Variants in IL4I1 observed in about 807,000 individuals in gnomAD.
IL4I1 encodes the protein interleukin 4 induced 1.
A neutral mutation model predicts 29.7 loss-of-function variants in IL4I1; 24 were observed. That is an observed-to-expected ratio of 0.81 (90% CI 0.59 to 1.14). The LOEUF is 1.14. Among genes scored for constraint, IL4I1 ranks in the 50% most tolerant of loss-of-function variants. The pLI, the probability that IL4I1 is intolerant of heterozygous loss-of-function variation, is 0.00. For missense variants in IL4I1, 686 were observed against 785.6 expected (o/e 0.87, Z 1.52); for synonymous variants, 371 against 352.5 (o/e 1.05, Z -0.59).
At chr19:49,895,781 G>T (rs749383282) in intron 3 of IL4I1, 34 bp downstream of exon 3, 1 of 1,604,714 alleles carries the variant, frequency 6.2e-7, no homozygotes, top group Non-Finnish European at 8.5e-7. Context: ...GCAGCAGGAG[G>T]GACTCCAGGT....
At chr19:49,916,267 A>G (rs1002671001) in intron 2 of IL4I1, among the ~76,000 whole-genome samples, 1 of 152,118 alleles carries the variant, frequency 6.6e-6, no homozygotes, top group Non-Finnish European at 1.5e-5. Flanking sequence ...CACATCTGTA[A>G]TCTCAGCACT....
chr19:49,908,592 G>A (rs760708459), intron 2 of IL4I1: 2 of 1,614,090 alleles, frequency 1.2e-6, no homozygotes, highest in East Asian at 2.2e-5. Context: ...GGGCTCAGCA[G>A]GTCTTCCAGC....
upstream of IL4I1, chr19:49,896,940 C>T (rs1235658655): frequency 1.0e-6 from 1 of 960,304 alleles, no homozygotes; most frequent in Non-Finnish European, 1.2e-6. Context: ...CCCGCCCACC[C>T]CTCCTTTTGG....
chr19:49,904,484 G>GAT (rs752347637), intron 2 of IL4I1, among the ~76,000 whole-genome samples: 17 of 152,176 alleles, frequency 1.1e-4, no homozygotes, highest in Non-Finnish European at 2.4e-4. Flanking sequence ...TGATTTAATG[G>GAT]AATCACTTGT....
chr19:49,896,714 A>G lies in IL4I1; in HGVS notation c.-23+121T>C, dbSNP rs2075216004. On this transcript the variant is annotated intron_variant, in intron 1 of 7. Coordinates refer to ENST00000391826, the MANE Select transcript of IL4I1 (RefSeq NM_152899.2). ...CTCCCAAAGTGCTGGGATTCCAGGC[A>G]TGAGCCCCCGCGCCCGGCCTCTTTT... is the stretch of plus-strand genomic sequence containing the variant. 9.0e-6 allele frequency: 5 copies of G among 554,692 alleles called. No individual in the cohort carries two copies. In the South Asian group the frequency reaches 3.9e-4, roughly 43 times the overall value. The allele number at this position is 554,692 out of a possible 1,614,324, so 34.4% of individuals were successfully genotyped here. A position where few individuals can be genotyped will look rare whatever the true frequency, so the allele number is the denominator to read the frequency against.
At chr19:49,909,859 C>A (rs749819907) in intron 2 of IL4I1, 3 of 1,580,968 alleles carry the variant, frequency 1.9e-6, no homozygotes, top group Non-Finnish European at 2.6e-6. Context: ...GCAAATCCGT[C>A]GGTGTCTGCA....
At chr19:49,899,631 A>C (rs1228707129), upstream of IL4I1, among the ~76,000 whole-genome samples, 1 of 149,596 alleles carries the variant, frequency 6.7e-6, no homozygotes. Context: ...ATCTTGGCTC[A>C]CTGCAAGCTC....
At position 49,895,209 on chromosome 19, in the gene IL4I1, C is replaced by G. The variant is rs748638682; in HGVS notation, c.253-29G>C. ...AGGGAGTCCGTGGGGCGAGGAGGGC[C>G]CTTCAGCTCCACCCACTGACCATCC... On this transcript the variant is annotated intron_variant, in intron 3 of 7. Coordinates refer to ENST00000391826, the MANE Select transcript of IL4I1 (RefSeq NM_152899.2). The G allele has an allele frequency of 3.8e-6, 6 of 1,575,602 alleles. No individual in the cohort carries two copies. In the East Asian group the frequency reaches 1.1e-4, roughly 29 times the overall value.
chr19:49,920,978 A>G (rs2075753220), intron 2 of IL4I1, among the ~76,000 whole-genome samples: 1 of 152,042 alleles, frequency 6.6e-6, no homozygotes, highest in African/African-American at 2.4e-5. Context: ...GTTGCTATGG[A>G]GGTTTCTCTG....
At chr19:49,913,320 C>A (rs1280951842) in intron 2 of IL4I1, among the ~76,000 whole-genome samples, 1 of 152,188 alleles carries the variant, frequency 6.6e-6, no homozygotes, top group Non-Finnish European at 1.5e-5. Context: ...TTGACCAGCT[C>A]CAGGAGAATC....
At chr19:49,916,181 T>C (rs934968377) in intron 2 of IL4I1, among the ~76,000 whole-genome samples, 1 of 152,138 alleles carries the variant, frequency 6.6e-6, no homozygotes, top group African/African-American at 2.4e-5. Context: ...GGCCAAGTCT[T>C]GACATTCTGC....
intron 2 of IL4I1, among the ~76,000 whole-genome samples, chr19:49,920,311 G>C (rs948181030): frequency 2.0e-5 from 3 of 152,144 alleles, no homozygotes; most frequent in African/African-American, 7.2e-5. Flanking sequence ...TGAATCTCTC[G>C]ACCTTGAGAT....
chr19:49,891,769 C>T (rs1407511613), intron 5 of IL4I1, among the ~76,000 whole-genome samples: 2 of 152,186 alleles, frequency 1.3e-5, no homozygotes, highest in African/African-American at 4.8e-5. Flanking sequence ...TATTTTTCAG[C>T]CAGCCAGCCA....
intron 3 of IL4I1, among the ~76,000 whole-genome samples, chr19:49,903,384 C>A (rs562479170): frequency 1.1e-4 from 16 of 152,216 alleles, no homozygotes; most frequent in African/African-American, 3.6e-4. Flanking sequence ...CAAGGGCGCC[C>A]ATGTGGGTCA....
Position 49,921,617 on chromosome 19 carries a change from G to A in IL4I1, c.-228+6077C>T, listed in dbSNP as rs2122729629. On this transcript the variant is annotated intron_variant, in intron 2 of 9. Transcript: ENST00000341114. The surrounding 1 kb of genome is among the most constrained non-coding windows in gnomAD (Gnocchi z 5.4). The stretch of plus-strand genomic sequence containing the variant: ...GGGCAAAGGAGTCTGCATCAAACTG[G>A]GCTAAGGCCTGGCGCTCTGATGGCC... 6.6e-6 allele frequency among the ~76,000 whole-genome samples: 1 copy of A among 152,302 alleles called. No individual in the cohort carries two copies. The highest frequency in any genetic ancestry group is 2.1e-4 in the South Asian group (1 of 4,826).
intron 2 of IL4I1, among the ~76,000 whole-genome samples, chr19:49,916,085 G>C (rs1164534951): frequency 6.6e-6 from 1 of 152,220 alleles, no homozygotes; most frequent in Non-Finnish European, 1.5e-5. Context: ...AGCACACCGA[G>C]CCCTTCCTGG....
At position 49,891,115 on chromosome 19, in the gene IL4I1, T is replaced by C. The variant is rs1261034760; in HGVS notation, c.637-8A>G. The stretch of plus-strand genomic sequence containing the variant: ...CTCCCCGAGAAGATATTCCTGCAGG[T>C]TGGGCACAGGCCGAGGTTAGGGCCC... On this transcript the variant is annotated splice_polypyrimidine_tract_variant and splice_region_variant and intron_variant, in intron 6 of 7. Coordinates refer to ENST00000391826, the MANE Select transcript of IL4I1 (RefSeq NM_152899.2). 4.3e-6 allele frequency: 7 copies of C among 1,609,930 alleles called. No homozygotes were observed. In the Admixed American group the frequency reaches 8.4e-5, roughly 19 times the overall value.
chr19:49,899,045 C>T (rs750161989), upstream of IL4I1, among the ~76,000 whole-genome samples: 53 of 152,336 alleles, frequency 3.5e-4, no homozygotes, highest in Non-Finnish European at 6.2e-4. Context: ...CAAGTATGAA[C>T]GCGGCGGGAT....
At chr19:49,907,381 T>A (rs750088770) in intron 2 of IL4I1, 4 of 344,560 alleles carry the variant, frequency 1.2e-5, no homozygotes, top group Non-Finnish European at 2.2e-5. Flanking sequence ...CAACACCCTG[T>A]GTGTGCAGGC....
Sources: allele counts gnomAD v4.1 joint callset (sites outside exome capture counted in the v4.1 genomes callset), GRCh38; gene constraint gnomAD v4.1.1; non-coding constraint Gnocchi (gnomAD v3.1); transcripts MANE v1.5; gene names NCBI Gene and HGNC (gene_info 2026-07-23, HGNC 2026-07-21).